Variants in THOC5 observed in about 807,000 individuals in gnomAD.
THOC5 encodes Fms-interacting protein.
In THOC5, 43 loss-of-function variants were observed where a neutral mutation model predicts 92.9. That is an observed-to-expected ratio of 0.46 (90% CI 0.36 to 0.60). THOC5 has a LOEUF of 0.60. Among genes scored for constraint, THOC5 ranks in the 20% least tolerant of loss-of-function variants. THOC5 has a pLI of 0.00. For synonymous variants in THOC5, 296 were observed against 320.1 expected (o/e 0.92, Z 0.80); for missense variants, 659 against 849.4 (o/e 0.78, Z 2.79).
At position 29,506,160 on chromosome 22, in the gene THOC5, T is replaced by C. The variant is rs1377657717; in HGVS notation, c.*2297A>G. The C allele has an allele frequency of 1.3e-5, 2 of 152,138 alleles. No individual in the cohort carries two copies. The highest frequency in any genetic ancestry group is 4.8e-5 in the African/African-American group (2 of 41,420). 9.4% of individuals were successfully genotyped at this position (152,138 alleles called of 1,614,324 possible). ...GGCGTAAGCCACTGTGCCCAGCCCA[T>C]CTTATTTTTTAAAATGAAGAATGGA... is the stretch of plus-strand genomic sequence containing the variant. On this transcript the variant is annotated 3_prime_UTR_variant, in exon 20 of 20. Transcript: ENST00000490103.
chr22:29,540,284 C>A (rs980730712), intron 5 of THOC5, among the ~76,000 whole-genome samples: 1 of 152,178 alleles, frequency 6.6e-6, no homozygotes, highest in Non-Finnish European at 1.5e-5. Flanking sequence ...AAAAATCCAA[C>A]CCTCTTTGCT....
intron 6 of THOC5, among the ~76,000 whole-genome samples, chr22:29,538,087 A>C (rs961944827): frequency 4.7e-4 from 71 of 151,904 alleles, no homozygotes; most frequent in Non-Finnish European, 7.5e-4. Flanking sequence ...GCTTCACGCC[A>C]TTCTCCTGCC....
intron 2 of THOC5, 151 bp from the exon 3 acceptor site, chr22:29,544,754 GCTTTT>G: frequency 2.6e-6 from 2 of 767,234 alleles, no homozygotes; most frequent in Non-Finnish European, 3.9e-6. Flanking sequence ...TAAATTAAAT[GCTTTT>G]CTTCTCTTCA....
intron 7 of THOC5, among the ~76,000 whole-genome samples, chr22:29,533,919 C>CTACAAAAGCTAAATATA (rs2063703592): frequency 6.6e-6 from 1 of 152,196 alleles, no homozygotes; most frequent in Non-Finnish European, 1.5e-5. Context: ...GTTTAGAAAA[C>CTACAAAAGCTAAATATA]TGTTTCAGTG....
intron 12 of THOC5, among the ~76,000 whole-genome samples, chr22:29,524,665 G>A (rs570653578): frequency 1.5e-4 from 23 of 152,244 alleles, no homozygotes; most frequent in Admixed American, 9.8e-4. Flanking sequence ...ATGGGAACAG[G>A]GGCAATTTCA....
At chr22:29,553,239 A>G (rs891249794) in intron 1 of THOC5, among the ~76,000 whole-genome samples, 5 of 152,228 alleles carry the variant, frequency 3.3e-5, no homozygotes, top group Admixed American at 3.3e-4. Flanking sequence ...ATCAATAAAT[A>G]CTAAAACAAA....
intron 15 of THOC5, 80 bp downstream of exon 15, chr22:29,518,926 G>A (rs779617657): frequency 7.2e-6 from 7 of 972,694 alleles, no homozygotes; most frequent in Non-Finnish European, 1.1e-5. Flanking sequence ...CAGGATTCAA[G>A]TTTTGAGTGA....
rs573131685 is a variant in THOC5 at position 29,511,432 on chromosome 22, T to A, written c.1798-136A>T. 9.3e-5 allele frequency: 83 copies of A among 893,032 alleles called. No individual in the cohort carries two copies. The African/African-American group carries it at 1.1e-3, about 12-fold the overall frequency. 55.3% of individuals were successfully genotyped at this position (893,032 alleles called of 1,614,324 possible). On this transcript the variant is annotated intron_variant, in intron 18 of 19. Coordinates refer to ENST00000490103, the MANE Select transcript of THOC5 (RefSeq NM_003678.5). ...CTGGGCCAGGGGCTAGGCCATCAGA[T>A]CAAGCTAGACTGGCTTGTCCTCAGG...
In THOC5 at chr22:29,543,495, C is replaced by T. The variant is rs767913507; in HGVS notation, c.288G>A (p.Met96Ile). Residue 96 changes from methionine (M) to isoleucine (I), a missense_variant, in exon 4 of 20, where the codon ATG becomes ATA. Coordinates refer to ENST00000490103, the MANE Select transcript of THOC5 (RefSeq NM_003678.5). ...CTAATCGGTTAAGCTTCTTTAGAGT[C>T]ATGAAATGCACACAGCTCTGGATCC... The part of the protein sequence containing the change: ...ERRIQSCVHF[M>I]TLKKLNRLAH... 1.9e-6 allele frequency: 3 copies of T among 1,613,866 alleles called. No homozygotes were observed. Among genetic ancestry groups the T allele is most frequent in the Non-Finnish European group, 2.5e-6 (3 of 1,180,012 alleles).
intron 2 of THOC5, chr22:29,545,032 G>A (rs892225062): frequency 1.4e-5 from 6 of 424,806 alleles, no homozygotes; most frequent in Non-Finnish European, 2.8e-5. Context: ...CCTGAAACTG[G>A]GAACAAAAAG....
rs2063658681 is a variant in THOC5, at chr22:29,531,716, G to A, written c.847+115C>T. On this transcript the variant is annotated intron_variant, in intron 8 of 19. Coordinates refer to ENST00000490103, the MANE Select transcript of THOC5 (RefSeq NM_003678.5). ...AGAGGGAAGAAAGCTTCTGTCACCT[G>A]AGGGCTTCGGGCAGGACTGAGAAAT... The A allele has an allele frequency of 6.7e-6, 10 of 1,492,568 alleles. No individual in the cohort carries two copies. The South Asian group carries it at 1.3e-4, about 19-fold the overall frequency. The allele number at this position is 1,492,568 out of a possible 1,614,324, so 92.5% of individuals were successfully genotyped here.
intron 7 of THOC5, chr22:29,535,346 T>C (rs959295627): frequency 6.8e-6 from 1 of 147,572 alleles, no homozygotes; most frequent in Non-Finnish European, 1.5e-5. Context: ...AAAAAAGTGG[T>C]ATTCAAGTTT....
rs116116675 is a variant in THOC5 at position 29,527,988 on chromosome 22, T to C, written c.1066+90A>G. The C allele has an allele frequency of 5.8e-4, 680 of 1,182,090 alleles. 4 individuals are homozygous for C. The African/African-American group carries it at 9.2e-3, about 16-fold the overall frequency. The allele number at this position is 1,182,090 out of a possible 1,614,324, so 73.2% of individuals were successfully genotyped here. A position where few individuals can be genotyped will look rare whatever the true frequency, so the allele number is the denominator to read the frequency against. ...AAATGGGAATCCTTTGTTGGGCAAA[T>C]GGGTGTTTGGCTCCCGGACCCTCTG... On this transcript the variant is annotated intron_variant, in intron 11 of 19. Transcript: ENST00000490103.
chr22:29,543,108 C>G, intron 4 of THOC5, 152 bp from the exon 5 acceptor site: 1 of 611,578 alleles, frequency 1.6e-6, no homozygotes, highest in Non-Finnish European at 2.8e-6. Context: ...CTTTGGGAGG[C>G]CGAGGCGAGT....
chr22:29,517,112 A>G lies in THOC5; in HGVS notation c.1598T>C (p.Leu533Pro). 1 of 1,614,176 alleles carries G rather than the reference A, an allele frequency of 6.2e-7. No individual in the cohort carries two copies. The highest frequency in any genetic ancestry group is 1.3e-5 in the African/African-American group (1 of 75,042). The change falls in exon 17 of 20, where the codon CTG becomes CCG. Residue 533 changes from leucine (L) to proline (P), a missense_variant. Physicochemically the swap from Leu to Pro is moderately conservative, Grantham distance 98 (BLOSUM62 -3). Coordinates refer to ENST00000490103, the MANE Select transcript of THOC5 (RefSeq NM_003678.5). ...VTVAHEDYME[L>P]HFTKDIVDAG... ...ATCCACAATGTCTTTGGTGAAGTGCAGCTCCTAGAAGAGGTACCACAGACA... is the reference window on the plus strand; with the variant it reads ...ATCCACAATGTCTTTGGTGAAGTGCGGCTCCTAGAAGAGGTACCACAGACA...
intron 2 of THOC5, among the ~76,000 whole-genome samples, chr22:29,548,822 G>A (rs2064081674): frequency 6.6e-6 from 1 of 152,144 alleles, no homozygotes; most frequent in Non-Finnish European, 1.5e-5. Flanking sequence ...TCTCTGGGTA[G>A]GTATAATCAT....
intron 18 of THOC5, 44 bp from the exon 19 acceptor site, chr22:29,511,340 T>C (rs1473688575): frequency 6.3e-7 from 1 of 1,583,432 alleles, no homozygotes; most frequent in South Asian, 1.1e-5. Flanking sequence ...CCTTCCTGCA[T>C]GTGGGGGACC....
At chr22:29,509,679 G>A (rs1484130913) in intron 19 of THOC5, among the ~76,000 whole-genome samples, 1 of 145,466 alleles carries the variant, frequency 6.9e-6, no homozygotes, top group Non-Finnish European at 1.5e-5. Context: ...TGAGGGAGAG[G>A]TAAGGCACTG....
chr22:29,539,112 A>G (rs1206843987), intron 6 of THOC5, among the ~76,000 whole-genome samples: 2 of 150,056 alleles, frequency 1.3e-5, no homozygotes, highest in African/African-American at 2.4e-5. Flanking sequence ...TCCATCTCAA[A>G]AAAAAAAAAA....
Sources: allele counts gnomAD v4.1 joint callset (sites outside exome capture counted in the v4.1 genomes callset), GRCh38; gene constraint gnomAD v4.1.1; transcripts MANE v1.5; gene names NCBI Gene and HGNC (gene_info 2026-07-23, HGNC 2026-07-21).